Variants in PCNX1 observed in about 807,000 individuals in gnomAD.
PCNX1 encodes the protein pecanex 1.
PCNX1 carries 78 observed loss-of-function variants against 242.2 expected under a neutral mutation model. That is an observed-to-expected ratio of 0.32 (90% CI 0.27 to 0.39). The LOEUF (loss-of-function observed/expected upper bound fraction) is 0.39, where lower values mean the gene tolerates loss of function less well. Among genes scored for constraint, PCNX1 ranks in the 10% least tolerant of loss-of-function variants. PCNX1 has a pLI of 1.00. For synonymous variants in PCNX1, 1,024 were observed against 1,032.9 expected, an observed-to-expected ratio of 0.99 and a Z score of 0.17; for missense variants, 2,581 against 2,856.5, an observed-to-expected ratio of 0.90 and a Z score of 2.20.
intron 5 of PCNX1, 73 bp from the exon 6 acceptor site, chr14:70,976,869 C>A: frequency 7.7e-7 from 1 of 1,293,472 alleles, no homozygotes. Flanking sequence ...GCAGTGAATT[C>A]TTTCCATTGT....
intron 1 of PCNX1, among the ~76,000 whole-genome samples, chr14:70,941,567 A>G (rs1368537818): frequency 1.3e-5 from 2 of 152,146 alleles, no homozygotes; most frequent in Admixed American, 6.5e-5. Flanking sequence ...CAGTTAGGCT[A>G]CTTGGGGGTC....
intron 1 of PCNX1, among the ~76,000 whole-genome samples, chr14:70,914,214 A>C (rs939965392): frequency 3.9e-5 from 6 of 152,202 alleles, no homozygotes; most frequent in African/African-American, 1.4e-4. Context: ...AGGGTTGAAA[A>C]GCTATACATT....
chr14:71,052,055 T>G (rs200886225), intron 24 of PCNX1, 43 bp downstream of exon 24: 3 of 1,473,036 alleles, frequency 2.0e-6, no homozygotes, highest in Non-Finnish European at 1.9e-6. Context: ...TTATCTTTCC[T>G]ACTGGGAAAA....
chr14:71,036,896 G>T (rs907221555), intron 19 of PCNX1, among the ~76,000 whole-genome samples: 2 of 152,040 alleles, frequency 1.3e-5, no homozygotes, highest in African/African-American at 2.4e-5. Context: ...CCATTTTCAC[G>T]ATATTTATTC....
chr14:70,947,220 GT>G lies in PCNX1; in HGVS notation c.362+101del, dbSNP rs2057492892. On this transcript the variant is annotated intron_variant, in intron 2 of 35. Coordinates refer to ENST00000304743, the MANE Select transcript of PCNX1 (RefSeq NM_014982.3). The stretch of plus-strand genomic sequence containing the variant: ...ATATTGTACTTGTTTTCTTTATATG[GT>G]TTTAAGGCAGTGTTAGATCTTACCA... The G allele has an allele frequency of 2.2e-5, 20 of 917,492 alleles. No individual in the cohort carries two copies. In the Admixed American group the frequency reaches 4.3e-4, roughly 20 times the overall value. 56.8% of individuals were successfully genotyped at this position (917,492 alleles called of 1,614,324 possible).
intron 28 of PCNX1, among the ~76,000 whole-genome samples, chr14:71,082,430 G>A (rs2061877642): frequency 1.3e-5 from 2 of 151,832 alleles, no homozygotes; most frequent in Non-Finnish European, 2.9e-5. Context: ...TTTCTATCTC[G>A]CTGATCTAAT....
chr14:71,064,626 TC>T (rs1378094338), intron 26 of PCNX1, among the ~76,000 whole-genome samples: 1 of 152,234 alleles, frequency 6.6e-6, no homozygotes, highest in African/African-American at 2.4e-5. Context: ...GTTACAATTT[TC>T]TTTTAATATA....
chr14:70,996,165 G>A (rs773206236), intron 8 of PCNX1, among the ~76,000 whole-genome samples: 9 of 152,000 alleles, frequency 5.9e-5, no homozygotes, highest in African/African-American at 1.2e-4. Flanking sequence ...GGTAGTTAAA[G>A]TGTTAATATA....
chr14:71,074,990 C>CT (rs900279128), intron 27 of PCNX1, among the ~76,000 whole-genome samples: 2,422 of 101,004 alleles, frequency 0.024, 45 homozygotes, highest in South Asian at 0.041. Context: ...CTTTTCTTCT[C>CT]TTTTTTTTTT....
chr14:71,086,665 C>T (rs375349247), intron 28 of PCNX1, among the ~76,000 whole-genome samples: 13 of 152,182 alleles, frequency 8.5e-5, no homozygotes, highest in African/African-American at 2.2e-4. Flanking sequence ...GTCCTCTTTG[C>T]GTGTGTGCTG....
chr14:71,032,019 C>G (rs948962635), intron 16 of PCNX1: 1 of 904,684 alleles, frequency 1.1e-6, no homozygotes, highest in Admixed American at 1.7e-5. Flanking sequence ...CACGGACACA[C>G]ACAAGGAGTG....
chr14:70,949,170 GCTTA>G (rs1467351829), intron 2 of PCNX1, among the ~76,000 whole-genome samples: 21 of 137,276 alleles, frequency 1.5e-4, no homozygotes, highest in Admixed American at 4.3e-4. Flanking sequence ...ACTTATAAAT[GCTTA>G]TACATCTCAG....
Position 71,088,417 on chromosome 14 carries a change from C to G in PCNX1, c.5425C>G (p.His1809Asp), listed in dbSNP as rs1414343699. Residue 1809 changes from histidine (H) to aspartate (D), a missense_variant, in exon 29 of 36, where the codon CAT becomes GAT. Around this residue, in one of 9 missense-constraint regions of PCNX1, gnomAD observed 298 missense variants for 480.1 expected, o/e 0.62. Transcript: ENST00000304743. ...LGRRALGTASHHMSSNLESFL... is the reference protein window; with the variant it reads ...LGRRALGTASDHMSSNLESFL... ...ACGGAGAGCTTTGGGGACTGCATCC[C>G]ATCATATGTCCAGGTAAAGAAGGCA... 1.3e-6 allele frequency: 2 copies of G among 1,596,612 alleles called. No homozygotes were observed. The highest frequency in any genetic ancestry group is 2.7e-5 in the African/African-American group (2 of 74,604).
In PCNX1 at chr14:71,114,403, G is replaced by T. The variant is rs2062813533; in HGVS notation, c.*4468G>T. 6.6e-6 allele frequency: 1 copy of T among 152,224 alleles called. No individual in the cohort carries two copies. Among genetic ancestry groups the T allele is most frequent in the South Asian group, 2.1e-4 (1 of 4,836 alleles). The allele number at this position is 152,224 out of a possible 1,614,324, so 9.4% of individuals were successfully genotyped here. A position where few individuals can be genotyped will look rare whatever the true frequency, so the allele number is the denominator to read the frequency against. ...TATACAAATAAATCTGGTAGGATAT[G>T]AGTGGAGTAAGTTTGCTTGAAACAG... On this transcript the variant is annotated 3_prime_UTR_variant, in exon 36 of 36. Coordinates refer to ENST00000304743, the MANE Select transcript of PCNX1 (RefSeq NM_014982.3).
chr14:71,073,714 G>A lies in PCNX1; in HGVS notation c.5022G>A (p.Glu1674=). 9 of 1,613,958 alleles carry A rather than the reference G, an allele frequency of 5.6e-6. No homozygotes were observed. Among genetic ancestry groups the A allele is most frequent in the Non-Finnish European group, 6.8e-6 (8 of 1,179,900 alleles). The change falls in exon 27 of 36, where the codon GAG becomes GAA. Residue 1674 remains glutamate (E), a synonymous_variant. Transcript: ENST00000304743. Reference sequence around the variant, plus strand: ...TGATAGTCACAAAGTACATTCTGGAGGGTTATAGCATCACTGATAACAGTG... The same window carrying A: ...TGATAGTCACAAAGTACATTCTGGAAGGTTATAGCATCACTGATAACAGTG... The part of the protein sequence containing the change: ...WEVIVTKYIL[E]GYSITDNSAA...
Position 70,995,774 on chromosome 14 carries a change from A to G in PCNX1, c.2478A>G (p.Thr826=), listed in dbSNP as rs1185973297. The G allele has an allele frequency of 6.2e-7, 1 of 1,614,108 alleles. No homozygotes were observed. The highest frequency in any genetic ancestry group is 1.1e-5 in the South Asian group (1 of 91,076). The stretch of plus-strand genomic sequence containing the variant: ...ATGGTCAGCAAGGCCAGCAGTCCAC[A>G]GCCCAGGTCAAAGTCCAGTCCCGCC... ...LQDGQQGQQS[T]AQVKVQSRPP... Residue 826 remains threonine (T), a synonymous_variant, in exon 8 of 36, where the codon ACA becomes ACG. Transcript: ENST00000304743.
intron 30 of PCNX1, among the ~76,000 whole-genome samples, chr14:71,091,987 T>G (rs2062146101): frequency 6.6e-6 from 1 of 152,206 alleles, no homozygotes; most frequent in South Asian, 2.1e-4. Context: ...TCTCATTGTG[T>G]TTAGTGCAGT....
chr14:71,024,284 A>G (rs2060180911), intron 13 of PCNX1, among the ~76,000 whole-genome samples: 1 of 152,172 alleles, frequency 6.6e-6, no homozygotes, highest in African/African-American at 2.4e-5. Flanking sequence ...CATTGGTACA[A>G]TGCTGTCTTC....
intron 1 of PCNX1, among the ~76,000 whole-genome samples, chr14:70,909,390 C>T (rs567368752): frequency 1.3e-5 from 2 of 152,172 alleles, no homozygotes; most frequent in South Asian, 4.2e-4. Flanking sequence ...TTAATTTTGG[C>T]CTAGGGAGTT....
Sources: allele counts gnomAD v4.1 joint callset (sites outside exome capture counted in the v4.1 genomes callset), GRCh38; gene constraint gnomAD v4.1.1; regional missense constraint gnomAD v4.1.1; transcripts MANE v1.5; gene names NCBI Gene and HGNC (gene_info 2026-07-23, HGNC 2026-07-21).